The following STK32B variants were observed in gnomAD, a reference collection of about 807,000 sequenced individuals.
STK32B encodes serine/threonine-protein kinase 32B.
STK32B carries 43 observed loss-of-function variants against 52.6 expected under a neutral mutation model. The ratio of observed to expected loss-of-function variants is 0.82; its 90% CI spans 0.64 to 1.05. The LOEUF (loss-of-function observed/expected upper bound fraction) is 1.05, where lower values mean the gene tolerates loss of function less well. Among genes scored for constraint, STK32B ranks in the 50% least tolerant of loss-of-function variants. The pLI is 0.00. For missense variants in STK32B, 621 were observed against 534.6 expected, an observed-to-expected ratio of 1.16 and a Z score of -1.59; for synonymous variants, 238 against 204.3, an observed-to-expected ratio of 1.17 and a Z score of -1.41.
At chr4:5,177,365 C>T (rs1400687899) in intron 3 of STK32B, among the ~76,000 whole-genome samples, 1 of 152,072 alleles carries the variant, frequency 6.6e-6, no homozygotes. Flanking sequence ...TGGGGGAAAC[C>T]ACCCTCATGA....
chr4:5,280,104 G>A (rs1728095765), intron 3 of STK32B, among the ~76,000 whole-genome samples: 1 of 152,166 alleles, frequency 6.6e-6, no homozygotes, highest in South Asian at 2.1e-4. Context: ...CCAGAAAATA[G>A]GTTTTTCTTT....
intron 7 of STK32B, among the ~76,000 whole-genome samples, chr4:5,450,582 C>G (rs1715901067): frequency 6.6e-6 from 1 of 152,228 alleles, no homozygotes. Flanking sequence ...AGGAATCTCA[C>G]AGGTTCAAAC....
At chr4:5,326,554 C>T (rs1426846220) in intron 3 of STK32B, among the ~76,000 whole-genome samples, 2 of 152,062 alleles carry the variant, frequency 1.3e-5, no homozygotes, top group Non-Finnish European at 2.9e-5. Context: ...GACATTTTTT[C>T]GTTTTCTAGT....
At chr4:5,202,282 G>T (rs1722212365) in intron 3 of STK32B, among the ~76,000 whole-genome samples, 2 of 152,244 alleles carry the variant, frequency 1.3e-5, no homozygotes, top group Admixed American at 6.5e-5. Context: ...CACATCCAAG[G>T]CATGCTGTTA....
intron 8 of STK32B, among the ~76,000 whole-genome samples, chr4:5,457,591 G>A (rs1716663366): frequency 6.7e-6 from 1 of 148,708 alleles, no homozygotes; most frequent in African/African-American, 2.5e-5. Flanking sequence ...ATCTCGGCTG[G>A]GCGCAGTGTC....
At position 5,396,008 on chromosome 4, in the gene STK32B, T is replaced by C. The variant is rs2109042914; in HGVS notation, c.435-2199T>C. On this transcript the variant is annotated intron_variant, in intron 4 of 11. Coordinates refer to ENST00000282908, the MANE Select transcript of STK32B (RefSeq NM_018401.3). The surrounding 1 kb of genome is among the most constrained non-coding windows in gnomAD (Gnocchi z 4.7). ...TTGTCCAAGGCCATGCTGTCATTAA[T>C]GGGGCCCTAGCTGCCCTTTGAGGTT... Among the ~76,000 whole-genome samples, 1 of 152,370 alleles carries C rather than the reference T, an allele frequency of 6.6e-6. No individual in the cohort carries two copies. Among genetic ancestry groups the C allele is most frequent in the East Asian group, 1.9e-4 (1 of 5,180 alleles).
At chr4:5,174,768 CA>C (rs200214609) in intron 3 of STK32B, among the ~76,000 whole-genome samples, 28,505 of 152,064 alleles carry the variant, frequency 0.19, 3,367 homozygotes, top group East Asian at 0.31. Context: ...GTGAATCTGA[CA>C]ATTATGTATC....
intron 4 of STK32B, among the ~76,000 whole-genome samples, chr4:5,351,539 A>G (rs1733825760): frequency 6.6e-6 from 1 of 152,048 alleles, no homozygotes; most frequent in Non-Finnish European, 1.5e-5. Flanking sequence ...TAAACAAATG[A>G]TTTACCTCAA....
chr4:5,481,583 G>A (rs961049730), intron 11 of STK32B, among the ~76,000 whole-genome samples: 10 of 152,132 alleles, frequency 6.6e-5, no homozygotes, highest in Admixed American at 1.3e-4. Context: ...AAGCTCTTTA[G>A]TTTAATTAGA....
chr4:5,489,734 C>A (rs548387167), intron 11 of STK32B, among the ~76,000 whole-genome samples: 1 of 152,118 alleles, frequency 6.6e-6, no homozygotes, highest in African/African-American at 2.4e-5. Flanking sequence ...GATTCCCCTG[C>A]CTCAACCAAC....
chr4:5,135,832 CATCTCATTGATTAG>C (rs995061363), intron 1 of STK32B, among the ~76,000 whole-genome samples: 22 of 152,300 alleles, frequency 1.4e-4, no homozygotes, highest in African/African-American at 4.3e-4. Context: ...AAAATGTCTC[CATCTCATTGATTAG>C]ATCTCATTGA....
intron 1 of STK32B, among the ~76,000 whole-genome samples, chr4:5,130,843 C>A (rs1044913879): frequency 6.6e-6 from 1 of 152,190 alleles, no homozygotes; most frequent in Admixed American, 6.5e-5. Context: ...ACTCATCTTG[C>A]TATTTCATGC....
Position 5,467,861 on chromosome 4 carries a change from A to G in STK32B, c.1042-145A>G, listed in dbSNP as rs1165717521. The stretch of plus-strand genomic sequence containing the variant: ...CACAGCCACCCATGCAGTCAGGGTC[A>G]GCCCCAGACACTTAGCTTGGCTTGT... On this transcript the variant is annotated intron_variant, in intron 10 of 11. Transcript: ENST00000282908. This position sits in a 1 kb window ranked among gnomAD's most constrained non-coding sequence, Gnocchi z 5.8. 9.7e-6 allele frequency: 8 copies of G among 825,360 alleles called. No individual in the cohort carries two copies. The Admixed American group carries it at 1.6e-4, about 16-fold the overall frequency. 51.1% of individuals were successfully genotyped at this position (825,360 alleles called of 1,614,324 possible). A position where few individuals can be genotyped will look rare whatever the true frequency, so the allele number is the denominator to read the frequency against.
chr4:5,355,724 T>C (rs1240570788), intron 4 of STK32B, among the ~76,000 whole-genome samples: 4 of 152,132 alleles, frequency 2.6e-5, no homozygotes, highest in Non-Finnish European at 5.9e-5. Flanking sequence ...CATCATCAAA[T>C]GTGCTCCAGA....
intron 4 of STK32B, among the ~76,000 whole-genome samples, chr4:5,343,566 A>G (rs1046926091): frequency 6.6e-6 from 1 of 152,228 alleles, no homozygotes; most frequent in Admixed American, 6.5e-5. Context: ...CACTCCCACC[A>G]ACATAATTCA....
chr4:5,420,555 T>G (rs1036103699), intron 6 of STK32B, among the ~76,000 whole-genome samples: 34 of 152,198 alleles, frequency 2.2e-4, no homozygotes, highest in African/African-American at 6.7e-4. Flanking sequence ...TGAAGTGGCA[T>G]GATGCAGACT....
intron 6 of STK32B, among the ~76,000 whole-genome samples, chr4:5,419,205 C>G (rs1023321167): frequency 1.3e-5 from 2 of 152,144 alleles, no homozygotes. Context: ...TTCAGGATAG[C>G]GTTCCTAACT....
chr4:5,086,556 T>A (rs761932154), intron 1 of STK32B, among the ~76,000 whole-genome samples: 1 of 151,688 alleles, frequency 6.6e-6, no homozygotes, highest in Non-Finnish European at 1.5e-5. Context: ...TTGAAGATAA[T>A]AATGGTAAAA....
intron 1 of STK32B, among the ~76,000 whole-genome samples, chr4:5,130,564 CACCTTCCTG>C (rs1226171035): frequency 1.3e-5 from 2 of 152,144 alleles, no homozygotes; most frequent in East Asian, 3.9e-4. Flanking sequence ...ACCAAGAGGA[CACCTTCCTG>C]AGAACTGCAG....
Sources: allele counts gnomAD v4.1 joint callset (sites outside exome capture counted in the v4.1 genomes callset), GRCh38; gene constraint gnomAD v4.1.1; non-coding constraint Gnocchi (gnomAD v3.1); transcripts MANE v1.5; gene names NCBI Gene and HGNC (gene_info 2026-07-23, HGNC 2026-07-21).